The following FBXL18 variants were observed in gnomAD, a reference collection of about 807,000 sequenced individuals.
FBXL18 encodes F-box and leucine rich repeat protein 18, also known as F-box/LRR-repeat protein 18.
Under a neutral mutation model 46.0 loss-of-function variants are expected in FBXL18, and 36 were observed. The observed-to-expected ratio is 0.78, with a 90% confidence interval of 0.60 to 1.03. The LOEUF (loss-of-function observed/expected upper bound fraction) is 1.03. FBXL18 is among the 50% of genes least tolerant of loss of function. The pLI is 0.00. For synonymous variants in FBXL18, 557 were observed against 465.3 expected (o/e 1.20, Z -2.54); for missense variants, 977 against 1,004.1 (o/e 0.97, Z 0.36).
Position 5,477,388 on chromosome 7 carries a change from T to C in FBXL18, c.*4387A>G, listed in dbSNP as rs1222328711. Among the ~76,000 whole-genome samples the C allele has an allele frequency of 3.3e-5, 5 of 152,124 alleles. No homozygotes were observed. Among genetic ancestry groups the C allele is most frequent in the Non-Finnish European group, 7.3e-5 (5 of 68,034 alleles). ...TTCATCACCTCACTTTGTCCATGAA[T>C]TTCACACGTTTTCTTACAAGAGCTC... On this transcript the variant is annotated 3_prime_UTR_variant, in exon 5 of 5. Transcript: ENST00000382368. This position sits in a 1 kb window ranked among gnomAD's most constrained non-coding sequence, Gnocchi z 4.4.
At chr7:5,513,047 G>C (rs960269545) in intron 1 of FBXL18, among the ~76,000 whole-genome samples, 5 of 152,174 alleles carry the variant, frequency 3.3e-5, no homozygotes, top group African/African-American at 1.2e-4. Context: ...TCAGAGTCTA[G>C]AGTCCCCGCT....
intron 1 of FBXL18, among the ~76,000 whole-genome samples, chr7:5,507,422 C>T (rs1421398056): frequency 6.6e-6 from 1 of 152,178 alleles, no homozygotes; most frequent in Non-Finnish European, 1.5e-5. Context: ...AAGTACCCTC[C>T]ATCCTCCAAA....
At chr7:5,486,993 C>T (rs1783793492) in intron 4 of FBXL18, among the ~76,000 whole-genome samples, 2 of 152,294 alleles carry the variant, frequency 1.3e-5, no homozygotes, top group Admixed American at 1.3e-4. Context: ...CGCTGCTCCT[C>T]CTCCTCCTTC....
At chr7:5,482,024 T>A in intron 4 of FBXL18, 93 bp from the exon 5 acceptor site, 1 of 1,453,970 alleles carries the variant, frequency 6.9e-7, no homozygotes, top group Non-Finnish European at 9.2e-7. Context: ...CACACCTGCC[T>A]CCCCGTCCCG....
At chr7:5,484,209 T>C (rs939124805) in intron 4 of FBXL18, among the ~76,000 whole-genome samples, 1 of 152,188 alleles carries the variant, frequency 6.6e-6, no homozygotes, top group Non-Finnish European at 1.5e-5. Context: ...GGCTCACGCC[T>C]GTAATCCCAG....
At chr7:5,509,701 C>CAAAA (rs761762119) in intron 1 of FBXL18, among the ~76,000 whole-genome samples, 31 of 65,480 alleles carry the variant, frequency 4.7e-4, no homozygotes, top group East Asian at 1.0e-3. Context: ...GATTCCATCT[C>CAAAA]AAAAAAAAAA....
downstream of FBXL18, among the ~76,000 whole-genome samples, chr7:5,474,758 A>T (rs1377625462): frequency 6.7e-6 from 1 of 150,320 alleles, no homozygotes; most frequent in Non-Finnish European, 1.5e-5. Flanking sequence ...CCCAGGCTGG[A>T]GTGCAGTGGC....
chr7:5,485,367 A>C (rs970016207), intron 4 of FBXL18, among the ~76,000 whole-genome samples: 4 of 152,212 alleles, frequency 2.6e-5, no homozygotes, highest in Non-Finnish European at 5.9e-5. Flanking sequence ...AATGAGGCTC[A>C]AAAAGACTGA....
At chr7:5,483,613 G>A (rs1421581799) in intron 4 of FBXL18, among the ~76,000 whole-genome samples, 2 of 151,700 alleles carry the variant, frequency 1.3e-5, no homozygotes, top group African/African-American at 4.8e-5. Context: ...GCATGGTGGT[G>A]CATGCCTGTA....
chr7:5,512,710 G>A (rs913842495), intron 1 of FBXL18, among the ~76,000 whole-genome samples: 3 of 152,142 alleles, frequency 2.0e-5, no homozygotes, highest in Non-Finnish European at 4.4e-5. Context: ...AGCACACACA[G>A]CTAACTGGAA....
At chr7:5,500,456 A>T (rs1562699738) in intron 3 of FBXL18, 32 bp downstream of exon 3, 6 of 1,543,408 alleles carry the variant, frequency 3.9e-6, no homozygotes, top group Non-Finnish European at 5.3e-6. Context: ...AGCTTCCAGC[A>T]GAGGCCCGAG....
At chr7:5,461,011 A>C (rs185501566) in intron 4 of FBXL18, among the ~76,000 whole-genome samples, 2 of 152,196 alleles carry the variant, frequency 1.3e-5, no homozygotes, top group Admixed American at 1.3e-4. Context: ...CCTTCCACGC[A>C]CAAGTGCTGT....
At chr7:5,468,704 G>A (rs1374643874) in intron 4 of FBXL18, among the ~76,000 whole-genome samples, 1 of 151,972 alleles carries the variant, frequency 6.6e-6, no homozygotes, top group Non-Finnish European at 1.5e-5. Flanking sequence ...GGGCTCAAAC[G>A]ATCCTCCCAC....
chr7:5,489,377 G>A (rs1188574917), intron 4 of FBXL18: 3 of 511,762 alleles, frequency 5.9e-6, no homozygotes, highest in African/African-American at 5.8e-5. Context: ...GCTCACGCCT[G>A]TAATCCCAGC....
downstream of FBXL18, among the ~76,000 whole-genome samples, chr7:5,471,600 C>T (rs889800903): frequency 1.3e-5 from 2 of 152,074 alleles, no homozygotes; most frequent in Non-Finnish European, 2.9e-5. Flanking sequence ...TTAGTAGAGA[C>T]GGGGCTTCAC....
At chr7:5,510,302 C>CAAAAAA (rs757878539) in intron 1 of FBXL18, among the ~76,000 whole-genome samples, 6 of 77,558 alleles carry the variant, frequency 7.7e-5, no homozygotes, top group African/African-American at 2.2e-4. Context: ...GACTCTGTCT[C>CAAAAAA]AAAAAAAAAA....
chr7:5,474,445 G>A (rs1783475732), downstream of FBXL18, among the ~76,000 whole-genome samples: 2 of 150,412 alleles, frequency 1.3e-5, no homozygotes, highest in South Asian at 2.1e-4. Context: ...CTAAGTAGCT[G>A]GGACCACAGA....
At chr7:5,494,676 A>C (rs1196128202) in intron 3 of FBXL18, among the ~76,000 whole-genome samples, 1 of 152,112 alleles carries the variant, frequency 6.6e-6, no homozygotes, top group Non-Finnish European at 1.5e-5. Context: ...CAGGCGCCGC[A>C]CCTGCTGAGC....
chr7:5,471,611 C>T (rs1175481908), downstream of FBXL18, among the ~76,000 whole-genome samples: 1 of 152,122 alleles, frequency 6.6e-6, no homozygotes, highest in Non-Finnish European at 1.5e-5. Flanking sequence ...GGGGCTTCAC[C>T]GTGTTAGCCA....
Sources: gnomAD v4.1 joint callset for allele counts (sites outside exome capture counted in the v4.1 genomes callset) on GRCh38, gnomAD v4.1.1 for gene constraint, Gnocchi (gnomAD v3.1) non-coding constraint, MANE v1.5 for transcripts, NCBI Gene and HGNC (gene_info 2026-07-23, HGNC 2026-07-21) for gene names.